DCDC2: variants seen among roughly 807,000 people sequenced by gnomAD.
DCDC2 encodes the protein doublecortin domain containing 2, also known as doublecortin domain-containing protein 2.
In DCDC2, 40 loss-of-function variants were observed where a neutral mutation model predicts 50.2. The ratio of observed to expected loss-of-function variants is 0.80; its 90% CI spans 0.62 to 1.04. The LOEUF (loss-of-function observed/expected upper bound fraction) is 1.04, where lower values mean the gene tolerates loss of function less well. Among genes scored for constraint, DCDC2 ranks in the 50% least tolerant of loss-of-function variants. The pLI, the probability that DCDC2 is intolerant of heterozygous loss-of-function variation, is 0.00. For missense variants in DCDC2, 570 were observed against 581.9 expected (o/e 0.98, Z 0.21); for synonymous variants, 234 against 210.6 (o/e 1.11, Z -0.96).
At chr6:24,303,939 C>G (rs1416432128) in intron 2 of DCDC2, among the ~76,000 whole-genome samples, 1 of 152,186 alleles carries the variant, frequency 6.6e-6, no homozygotes, top group Non-Finnish European at 1.5e-5. Context: ...ATTTATGGGA[C>G]TCCATTCTTG....
intron 1 of DCDC2, chr6:24,357,120 A>T (rs1306066783): frequency 4.9e-6 from 1 of 203,116 alleles, no homozygotes; most frequent in Non-Finnish European, 9.8e-6. Context: ...GAAAAAAAAT[A>T]AGGAAAAGGA....
At chr6:24,188,150 T>C (rs1687173340) in intron 8 of DCDC2, among the ~76,000 whole-genome samples, 1 of 152,192 alleles carries the variant, frequency 6.6e-6, no homozygotes, top group Non-Finnish European at 1.5e-5. Flanking sequence ...GTGTGAGTCA[T>C]GAGTTCAGAG....
At chr6:24,353,382 A>G (rs956717086) in intron 2 of DCDC2, 187 bp downstream of exon 2, 71 of 651,666 alleles carry the variant, frequency 1.1e-4, no homozygotes, top group South Asian at 1.1e-3. Flanking sequence ...TAGAACATCT[A>G]CTCAGTCTTT....
At chr6:24,250,645 AAGAC>A (rs983349576) in intron 7 of DCDC2, among the ~76,000 whole-genome samples, 2 of 152,210 alleles carry the variant, frequency 1.3e-5, no homozygotes, top group Non-Finnish European at 2.9e-5. Flanking sequence ...ACAATTCTAA[AAGAC>A]AGACTGCTTT....
At chr6:24,345,814 TAAAAG>T (rs1024373052) in intron 2 of DCDC2, among the ~76,000 whole-genome samples, 64 of 152,250 alleles carry the variant, frequency 4.2e-4, no homozygotes, top group African/African-American at 1.5e-3. Flanking sequence ...GAAGAACTGA[TAAAAG>T]AAGAGGAAAC....
intron 8 of DCDC2, among the ~76,000 whole-genome samples, chr6:24,200,284 G>A (rs372292144): frequency 6.6e-6 from 1 of 152,202 alleles, no homozygotes; most frequent in Non-Finnish European, 1.5e-5. Context: ...TCCACAACGG[G>A]AAGTCCATCA....
In DCDC2 at chr6:24,198,322, T is replaced by G. The variant is rs538512909; in HGVS notation, c.1023+6680A>C. On this transcript the variant is annotated intron_variant, in intron 8 of 9. Transcript: ENST00000378454. ...GGTACCCGGCTCATCTCATTGGGAC[T>G]GGTTAGACAGTGGGTGCAGCCCACA... 2.9e-4 allele frequency among the ~76,000 whole-genome samples: 44 copies of G among 152,272 alleles called. 1 individual carries two copies. The South Asian group carries it at 8.7e-3, about 30-fold the overall frequency.
chr6:24,359,511 ATTATATATATT>A (rs1227529611), upstream of DCDC2, among the ~76,000 whole-genome samples: 8 of 100,808 alleles, frequency 7.9e-5, no homozygotes, highest in African/African-American at 2.8e-4. Flanking sequence ...TATTTTATAT[ATTATATATATT>A]TTATATATAT....
chr6:24,363,461 G>A, the DCDC2 span, among the ~76,000 whole-genome samples: 6 of 152,232 alleles, frequency 3.9e-5, no homozygotes, highest in South Asian at 2.1e-4. Flanking sequence ...TGCTCATGCC[G>A]TTACACTGCA....
At chr6:24,176,431 T>C (rs1260608227) in intron 9 of DCDC2, among the ~76,000 whole-genome samples, 1 of 152,146 alleles carries the variant, frequency 6.6e-6, no homozygotes. Context: ...ATAACCTTGA[T>C]CTTGACGGAT....
At chr6:24,332,781 A>G (rs1759988451) in intron 2 of DCDC2, among the ~76,000 whole-genome samples, 1 of 152,206 alleles carries the variant, frequency 6.6e-6, no homozygotes, top group Non-Finnish European at 1.5e-5. Context: ...CAGCATGATT[A>G]CTATTCATTA....
At chr6:24,255,407 CAT>C (rs764080045) in intron 7 of DCDC2, among the ~76,000 whole-genome samples, 4 of 144,394 alleles carry the variant, frequency 2.8e-5, no homozygotes, top group Admixed American at 6.8e-5. Context: ...CAGAAGAAAA[CAT>C]AGGAAAAACA....
At chr6:24,224,261 G>A (rs1477472270) in intron 7 of DCDC2, among the ~76,000 whole-genome samples, 1 of 151,986 alleles carries the variant, frequency 6.6e-6, no homozygotes, top group Non-Finnish European at 1.5e-5. Flanking sequence ...TTCATTCTCT[G>A]AGCACCAACT....
intron 4 of DCDC2, 48 bp from the exon 5 acceptor site, chr6:24,291,126 A>G: frequency 6.4e-7 from 1 of 1,559,732 alleles, no homozygotes. Flanking sequence ...CCAACATTTA[A>G]AGAATTGCTT....
intron 2 of DCDC2, among the ~76,000 whole-genome samples, chr6:24,335,120 C>T (rs1760033613): frequency 6.6e-6 from 1 of 152,162 alleles, no homozygotes; most frequent in South Asian, 2.1e-4. Flanking sequence ...CATCTCAACC[C>T]CACAGTCAAT....
intron 7 of DCDC2, among the ~76,000 whole-genome samples, chr6:24,254,224 A>G (rs1299497131): frequency 1.3e-5 from 2 of 152,274 alleles, no homozygotes; most frequent in Middle Eastern, 3.4e-3. Flanking sequence ...CTCCTGAAAC[A>G]CCTACCTGAG....
intron 4 of DCDC2, among the ~76,000 whole-genome samples, chr6:24,294,573 G>A (rs767414783): frequency 1.4e-4 from 22 of 151,758 alleles, no homozygotes; most frequent in Non-Finnish European, 2.6e-4. Context: ...ATAGGCCACC[G>A]GCTGAATTAA....
chr6:24,172,117 A>C lies in DCDC2; in HGVS notation c.*2613T>G, dbSNP rs1282048425. 1 of 152,210 alleles carries C rather than the reference A, an allele frequency of 6.6e-6. No homozygotes were observed. Among genetic ancestry groups the C allele is most frequent in the Non-Finnish European group, 1.5e-5 (1 of 68,042 alleles). 9.4% of individuals were successfully genotyped at this position (152,210 alleles called of 1,614,324 possible). ...ACCATTCTCCACAGAGAAAACTGCCACATTTGTGAGGTGAATGAACTTTCA... is the reference window on the plus strand; with the variant it reads ...ACCATTCTCCACAGAGAAAACTGCCCCATTTGTGAGGTGAATGAACTTTCA... On this transcript the variant is annotated 3_prime_UTR_variant, in exon 10 of 10. Coordinates refer to ENST00000378454, the MANE Select transcript of DCDC2 (RefSeq NM_016356.5).
chr6:24,204,092 A>T (rs993543360), intron 8 of DCDC2, among the ~76,000 whole-genome samples: 2 of 152,188 alleles, frequency 1.3e-5, no homozygotes, highest in Non-Finnish European at 2.9e-5. Flanking sequence ...TACCTCAAGG[A>T]TCTAGAGCCA....
Sources: gnomAD v4.1 joint callset for allele counts (sites outside exome capture counted in the v4.1 genomes callset) on GRCh38, gnomAD v4.1.1 for gene constraint, MANE v1.5 for transcripts, NCBI Gene and HGNC (gene_info 2026-07-23, HGNC 2026-07-21) for gene names.